Variants in FANCC observed in about 807,000 individuals in gnomAD.
The protein encoded by FANCC is FA complementation group C.
Under a neutral mutation model 71.3 loss-of-function variants are expected in FANCC, and 55 were observed. The ratio of observed to expected loss-of-function variants is 0.77; its 90% confidence interval spans 0.62 to 0.97. The LOEUF (loss-of-function observed/expected upper bound fraction) is 0.97, where lower values mean the gene tolerates loss of function less well. FANCC is among the 50% of genes least tolerant of loss of function. The pLI, the probability that FANCC is intolerant of heterozygous loss-of-function variation, is 0.00. For synonymous variants in FANCC, 275 were observed against 244.9 expected (o/e 1.12, Z -1.15); for missense variants, 678 against 670.9 (o/e 1.01, Z -0.12).
chr9:95,233,752 G>A (rs765979068), intron 4 of FANCC, among the ~76,000 whole-genome samples: 144 of 152,300 alleles, frequency 9.5e-4, no homozygotes, highest in Admixed American at 1.4e-3. Flanking sequence ...TCCAAGTAGT[G>A]CACAAGATAG....
At chr9:95,286,872 A>G (rs764512625) in intron 1 of FANCC, among the ~76,000 whole-genome samples, 7 of 152,306 alleles carry the variant, frequency 4.6e-5, no homozygotes, top group Non-Finnish European at 8.8e-5. Flanking sequence ...ATATCTTTAT[A>G]AATCATCTTA....
At chr9:95,134,434 C>T (rs1313603289) in intron 8 of FANCC, among the ~76,000 whole-genome samples, 1 of 152,148 alleles carries the variant, frequency 6.6e-6, no homozygotes, top group Non-Finnish European at 1.5e-5. Flanking sequence ...CGGCCACTAA[C>T]TAAAGACCGG....
chr9:95,228,910 G>A (rs1415941729), intron 4 of FANCC, among the ~76,000 whole-genome samples: 1 of 152,198 alleles, frequency 6.6e-6, no homozygotes, highest in Non-Finnish European at 1.5e-5. Context: ...CCACAGCCAG[G>A]TCACAGAGGG....
At chr9:95,217,841 T>A (rs185964303) in intron 4 of FANCC, among the ~76,000 whole-genome samples, 1 of 152,228 alleles carries the variant, frequency 6.6e-6, no homozygotes, top group African/African-American at 2.4e-5. Context: ...AAATTTAATT[T>A]GTTAAACCGT....
intron 1 of FANCC, among the ~76,000 whole-genome samples, chr9:95,252,274 CAAAAAAAAA>C (rs71366284): frequency 4.0e-5 from 2 of 50,156 alleles, no homozygotes; most frequent in African/African-American, 7.9e-5. Flanking sequence ...GAGACTGATT[CAAAAAAAAA>C]AAAAAAAAAA....
rs2134455295 is a variant in FANCC at position 95,107,144 on chromosome 9, C to T, written c.1455G>A (p.Gln485=). 1.2e-6 allele frequency: 2 copies of T among 1,614,218 alleles called. 1 individual carries two copies. The highest frequency in any genetic ancestry group is 3.3e-4 in the Middle Eastern group (2 of 6,060). Residue 485 remains glutamine, a synonymous_variant, in exon 14 of 15, where the codon CAG becomes CAA. Transcript: ENST00000289081. ...TDTDLRAPAQ[Q]LIRHLLLNFL... The stretch of plus-strand genomic sequence containing the variant: ...AGTTGAGGAGAAGGTGCCTGATCAG[C>T]TGTTGTGCAGGAGCTCTGAGGTCTG...
intron 1 of FANCC, among the ~76,000 whole-genome samples, chr9:95,261,838 G>T (rs1349686262): frequency 2.0e-5 from 3 of 152,196 alleles, no homozygotes; most frequent in East Asian, 1.9e-4. Context: ...ACCCACACAT[G>T]CTTGATCCTG....
At chr9:95,181,317 G>A (rs187573003) in intron 4 of FANCC, among the ~76,000 whole-genome samples, 117 of 152,204 alleles carry the variant, frequency 7.7e-4, no homozygotes, top group Non-Finnish European at 1.2e-3. Flanking sequence ...AACATACAGA[G>A]GCCAGTATAT....
chr9:95,163,497 A>G (rs1262522300), intron 6 of FANCC, among the ~76,000 whole-genome samples: 1 of 152,228 alleles, frequency 6.6e-6, no homozygotes, highest in Non-Finnish European at 1.5e-5. Context: ...CGCCACTGAC[A>G]TTTTGATAGA....
At chr9:95,248,618 A>T (rs1262594445) in intron 2 of FANCC, among the ~76,000 whole-genome samples, 1 of 152,126 alleles carries the variant, frequency 6.6e-6, no homozygotes, top group Non-Finnish European at 1.5e-5. Flanking sequence ...AATATCTATC[A>T]TAATAAAAGA....
chr9:95,150,071 C>T lies in FANCC; in HGVS notation c.538G>A (p.Val180Met), dbSNP rs1064794731. ...ACACAAACTCGTGACAGGGACGCCA[C>T]TCGCTCGGGAGCCATTCTATGGAAG... ...NTQRRMAPER[V>M]ASLSRVCVPL... Residue 180 changes from valine to methionine, a missense_variant, in exon 7 of 15, where the codon GTG becomes ATG. Transcript: ENST00000289081. The T allele has an allele frequency of 2.5e-6, 4 of 1,614,124 alleles. No individual in the cohort carries two copies. The highest frequency in any genetic ancestry group is 3.3e-5 in the Admixed American group (2 of 60,010).
At chr9:95,116,909 G>GTCTT (rs1443791610) in intron 11 of FANCC, among the ~76,000 whole-genome samples, 10 of 152,178 alleles carry the variant, frequency 6.6e-5, no homozygotes, top group Non-Finnish European at 1.5e-4. Context: ...CCATCATTTT[G>GTCTT]TCTTTTCTTC....
rs1310789948 is a variant in FANCC, at chr9:95,110,466, C to T, written c.1329+997G>A. The T allele has an allele frequency of 4.9e-6, 5 of 1,029,368 alleles. No individual in the cohort carries two copies. In the East Asian group the frequency reaches 3.1e-4, roughly 64 times the overall value. The allele number at this position is 1,029,368 out of a possible 1,614,324, so 63.8% of individuals were successfully genotyped here. A position where few individuals can be genotyped will look rare whatever the true frequency, so the allele number is the denominator to read the frequency against. On this transcript the variant is annotated intron_variant, in intron 13 of 14. Coordinates refer to ENST00000289081, the MANE Select transcript of FANCC (RefSeq NM_000136.3). ...CTTTTAAAGGGGAAGAAATAAAAAGCTTTCTTTTTAATCAGACAGCAATCC... is the reference window on the plus strand; with the variant it reads ...CTTTTAAAGGGGAAGAAATAAAAAGTTTTCTTTTTAATCAGACAGCAATCC...
At chr9:95,145,552 A>G (rs1829418700) in intron 7 of FANCC, 1 of 152,258 alleles carries the variant, frequency 6.6e-6, no homozygotes, top group African/African-American at 2.4e-5. Context: ...TATGTGGAAT[A>G]TAAGACAAGC....
chr9:95,101,839 A>G lies in FANCC; in HGVS notation c.1545T>C (p.Thr515=), dbSNP rs1588008483. 1 of 1,614,022 alleles carries G rather than the reference A, an allele frequency of 6.2e-7. No homozygotes were observed. Among genetic ancestry groups the G allele is most frequent in the Non-Finnish European group, 8.5e-7 (1 of 1,179,960 alleles). ...AWDVITLMAH[T]AEITHEIIGF... is the part of the protein sequence containing the mutation. ...CAATGATCTCGTGAGTTATCTCAGC[A>G]GTGTGAGCCATCTGCAATCAGGACA... Residue 515 remains threonine (T), a synonymous_variant, in exon 15 of 15, where the codon ACT becomes ACC. Transcript: ENST00000289081.
intron 1 of FANCC, among the ~76,000 whole-genome samples, chr9:95,291,702 C>A (rs535484866): frequency 6.6e-6 from 1 of 151,968 alleles, no homozygotes; most frequent in African/African-American, 2.4e-5. Context: ...AATCCCAGCA[C>A]TTTGGGAGGC....
intron 4 of FANCC, among the ~76,000 whole-genome samples, chr9:95,216,360 T>C (rs992888119): frequency 6.6e-6 from 1 of 152,160 alleles, no homozygotes; most frequent in African/African-American, 2.4e-5. Flanking sequence ...AATGACAGAA[T>C]TGAAAATAGC....
chr9:95,278,132 G>A (rs892285949), intron 1 of FANCC, among the ~76,000 whole-genome samples: 1 of 152,198 alleles, frequency 6.6e-6, no homozygotes, highest in African/African-American at 2.4e-5. Flanking sequence ...CAGCCAAGCT[G>A]TATTGGGCTA....
chr9:95,204,331 C>T (rs949699232), intron 4 of FANCC, among the ~76,000 whole-genome samples: 2 of 152,120 alleles, frequency 1.3e-5, no homozygotes, highest in African/African-American at 4.8e-5. Flanking sequence ...TATATAGACC[C>T]ATGGATATCC....
Sources: gnomAD v4.1 joint callset for allele counts (sites outside exome capture counted in the v4.1 genomes callset) on GRCh38, gnomAD v4.1.1 for gene constraint, MANE v1.5 for transcripts, NCBI Gene and HGNC (gene_info 2026-07-23, HGNC 2026-07-21) for gene names.